MCC: variants seen among roughly 807,000 people sequenced by gnomAD.
MCC encodes colorectal mutant cancer protein.
Under a neutral mutation model 116.2 loss-of-function variants are expected in MCC, and 90 were observed. The observed-to-expected ratio is 0.77, with a 90% CI of 0.65 to 0.92. MCC has a LOEUF of 0.92. Ranked by LOEUF, MCC falls within the 40% of genes least tolerant of loss-of-function variation. The pLI is 0.00. For synonymous variants in MCC, 578 were observed against 510.5 expected (o/e 1.13, Z -1.78); for missense variants, 1,516 against 1,312.2 (o/e 1.16, Z -2.40).
At chr5:113,087,533 C>A (rs1439990544) in intron 8 of MCC, among the ~76,000 whole-genome samples, 4 of 152,128 alleles carry the variant, frequency 2.6e-5, no homozygotes, top group Non-Finnish European at 5.9e-5. Context: ...CAAAGAGAGA[C>A]TGGGCAAAGA....
intron 3 of MCC, among the ~76,000 whole-genome samples, chr5:113,276,442 T>C (rs1344674659): frequency 6.6e-6 from 1 of 152,192 alleles, no homozygotes; most frequent in Non-Finnish European, 1.5e-5. Context: ...GCTCAGTTTC[T>C]TCATTTACAC....
intron 1 of MCC, chr5:113,433,641 T>C: frequency 7.0e-7 from 1 of 1,421,568 alleles, no homozygotes; most frequent in East Asian, 2.4e-5. Context: ...GAGGCTCATC[T>C]GGGACTGCCT....
intron 1 of MCC, chr5:113,433,568 G>C: frequency 1.2e-6 from 1 of 863,550 alleles, no homozygotes; most frequent in African/African-American, 1.7e-5. Context: ...TCCACCTAGG[G>C]GCCACGGGAG....
chr5:113,401,559 C>G (rs1769687336), intron 1 of MCC, among the ~76,000 whole-genome samples: 1 of 152,108 alleles, frequency 6.6e-6, no homozygotes, highest in South Asian at 2.1e-4. Flanking sequence ...CTCAGTATTT[C>G]TTGCTTCCCA....
At chr5:113,187,298 C>T (rs994523933) in intron 3 of MCC, among the ~76,000 whole-genome samples, 7 of 152,110 alleles carry the variant, frequency 4.6e-5, no homozygotes, top group African/African-American at 1.2e-4. Flanking sequence ...TCGTAGAGAT[C>T]GGGTTTTGCC....
chr5:113,407,273 GA>G lies in MCC; in HGVS notation c.171-22062del, dbSNP rs369292732. ...AAAATCTAGCTGATCTCAAAGGACC[GA>G]CAGGAAATGTTAAAAAATGAAAACA... On this transcript the variant is annotated intron_variant, in intron 1 of 18. Transcript: ENST00000408903. Among the ~76,000 whole-genome samples, 152 of 152,266 alleles carry G rather than the reference GA, an allele frequency of 1.0e-3. 3 individuals are homozygous for G. In the East Asian group the frequency reaches 0.019, roughly 19 times the overall value.
At chr5:113,093,764 C>G (rs1755815568) in intron 8 of MCC, among the ~76,000 whole-genome samples, 1 of 151,994 alleles carries the variant, frequency 6.6e-6, no homozygotes, top group Non-Finnish European at 1.5e-5. Flanking sequence ...ATGTGGCTCA[C>G]AGATGAGTGA....
intron 17 of MCC, among the ~76,000 whole-genome samples, chr5:113,041,241 C>CTA (rs1751687948): frequency 1.3e-5 from 2 of 152,162 alleles, no homozygotes; most frequent in South Asian, 4.2e-4. Flanking sequence ...GGAGGCCATC[C>CTA]TATAAACAGG....
Position 113,130,874 on chromosome 5 carries a change from T to C in MCC, c.885-8048A>G, listed in dbSNP as rs1758382152. Among the ~76,000 whole-genome samples, 4 of 152,280 alleles carry C rather than the reference T, an allele frequency of 2.6e-5. 1 individual carries two copies. The South Asian group carries it at 8.3e-4, about 32-fold the overall frequency. On this transcript the variant is annotated intron_variant, in intron 5 of 18. Transcript: ENST00000408903. ...AAATAAACCTCTTCTATTTATAAAT[T>C]ACCCAGCCTCAGATTCCTTTCTAGT...
At chr5:113,178,448 G>T (rs561313351) in intron 3 of MCC, among the ~76,000 whole-genome samples, 1 of 152,272 alleles carries the variant, frequency 6.6e-6, no homozygotes, top group South Asian at 2.1e-4. Flanking sequence ...ATGGGGGATT[G>T]CCAGGGCAGA....
intron 11 of MCC, among the ~76,000 whole-genome samples, chr5:113,073,766 G>T (rs980426045): frequency 1.3e-5 from 2 of 151,996 alleles, no homozygotes; most frequent in African/African-American, 4.8e-5. Context: ...CACGCCCACG[G>T]AGCTTCGCTC....
At chr5:113,300,593 A>G (rs1581384059) in intron 3 of MCC, among the ~76,000 whole-genome samples, 1 of 152,262 alleles carries the variant, frequency 6.6e-6, no homozygotes, top group South Asian at 2.1e-4. Context: ...CCCTATGGAG[A>G]CTCAGGAAGT....
intron 11 of MCC, among the ~76,000 whole-genome samples, chr5:113,071,551 C>A (rs1341457436): frequency 6.6e-6 from 1 of 152,164 alleles, no homozygotes; most frequent in Non-Finnish European, 1.5e-5. Flanking sequence ...AGTTGTGCAA[C>A]CTCCAGGCCG....
chr5:113,273,879 C>G (rs995636893), intron 3 of MCC, among the ~76,000 whole-genome samples: 1 of 152,126 alleles, frequency 6.6e-6, no homozygotes, highest in Non-Finnish European at 1.5e-5. Flanking sequence ...ATGCTCTGTT[C>G]CTGTCTCCTT....
At chr5:113,086,360 T>C (rs6867324) in intron 8 of MCC, among the ~76,000 whole-genome samples, 3,282 of 152,164 alleles carry the variant, frequency 0.022, 55 homozygotes, top group Middle Eastern at 0.088. Context: ...GTGCAAGTTA[T>C]TCAATATGTG....
intron 2 of MCC, among the ~76,000 whole-genome samples, chr5:113,381,224 T>C (rs1317647450): frequency 1.3e-5 from 2 of 152,170 alleles, no homozygotes; most frequent in Non-Finnish European, 2.9e-5. Flanking sequence ...ACTTGCCAGC[T>C]TGAGCAAACA....
intron 3 of MCC, among the ~76,000 whole-genome samples, chr5:113,285,572 G>A (rs1001390753): frequency 2.0e-5 from 3 of 151,980 alleles, no homozygotes; most frequent in South Asian, 2.1e-4. Context: ...AGAGTGCCCT[G>A]GGCTCTGCAC....
At chr5:113,444,831 C>T (rs1771162122) in intron 1 of MCC, among the ~76,000 whole-genome samples, 2 of 152,128 alleles carry the variant, frequency 1.3e-5, no homozygotes, top group East Asian at 3.8e-4. Flanking sequence ...ATGACGATAA[C>T]AACAACAACA....
At chr5:113,215,488 T>A (rs1462777092) in intron 3 of MCC, among the ~76,000 whole-genome samples, 1 of 152,162 alleles carries the variant, frequency 6.6e-6, no homozygotes. Flanking sequence ...GGGGTTGGTC[T>A]TTGGGAAGTG....
Sources: gnomAD v4.1 joint callset for allele counts (sites outside exome capture counted in the v4.1 genomes callset) on GRCh38, gnomAD v4.1.1 for gene constraint, MANE v1.5 for transcripts, NCBI Gene and HGNC (gene_info 2026-07-23, HGNC 2026-07-21) for gene names.